The following IL22RA2 variants were observed in gnomAD, a reference collection of about 807,000 sequenced individuals.
IL22RA2 encodes the protein interleukin-22 receptor subunit alpha-2.
IL22RA2 carries 39 observed loss-of-function variants against 30.7 expected under a neutral mutation model. The observed-to-expected ratio is 1.27, with a 90% CI of 0.98 to 1.66. The LOEUF is 1.66. Ranked by LOEUF, IL22RA2 falls within the 40% of genes most tolerant of loss-of-function variation. The probability of loss-of-function intolerance (pLI) is 0.00; values close to 1 mark genes in which losing one functional copy is unlikely to be tolerated. For synonymous variants in IL22RA2, 103 were observed against 105.0 expected, an observed-to-expected ratio of 0.98 and a Z score of 0.11; for missense variants, 315 against 312.7, an observed-to-expected ratio of 1.01 and a Z score of -0.05.
At chr6:137,166,393 A>G (rs1009483011) in intron 1 of IL22RA2, among the ~76,000 whole-genome samples, 1 of 152,206 alleles carries the variant, frequency 6.6e-6, no homozygotes, top group African/African-American at 2.4e-5. Context: ...GAAGGAAAGG[A>G]AATCAAAAAT....
At position 137,145,367 on chromosome 6, in the gene IL22RA2, T is replaced by C. The variant is rs186535313; in HGVS notation, c.*257A>G. 5.9e-4 allele frequency: 182 copies of C among 310,680 alleles called. No homozygotes were observed. Among genetic ancestry groups the C allele is most frequent in the African/African-American group, 3.6e-3 (167 of 45,880 alleles). The allele number at this position is 310,680 out of a possible 1,614,324, so 19.2% of individuals were successfully genotyped here. On this transcript the variant is annotated 3_prime_UTR_variant, in exon 7 of 7. Coordinates refer to ENST00000296980, the MANE Select transcript of IL22RA2 (RefSeq NM_052962.3). ...GATGTTACATTCAGAAATAAAGTTCTGAATTTCATAGAACACTTTATTCTC... is the reference window on the plus strand; with the variant it reads ...GATGTTACATTCAGAAATAAAGTTCCGAATTTCATAGAACACTTTATTCTC...
chr6:137,149,220 T>C (rs1340940125), intron 5 of IL22RA2, among the ~76,000 whole-genome samples: 1 of 152,212 alleles, frequency 6.6e-6, no homozygotes, highest in African/African-American at 2.4e-5. Flanking sequence ...TAGGCAATCC[T>C]ATCAATGTCC....
intron 1 of IL22RA2, among the ~76,000 whole-genome samples, chr6:137,172,213 G>A (rs1778750639): frequency 6.6e-6 from 1 of 152,176 alleles, no homozygotes; most frequent in Non-Finnish European, 1.5e-5. Context: ...TAAATTCGAG[G>A]TTTTATGATG....
At chr6:137,166,734 C>T (rs1330066003) in intron 1 of IL22RA2, among the ~76,000 whole-genome samples, 2 of 152,164 alleles carry the variant, frequency 1.3e-5, no homozygotes, top group African/African-American at 4.8e-5. Context: ...AAGCAATAGC[C>T]CCTGGTTCAT....
chr6:137,158,404 C>CTTGTTGTGAAA lies in IL22RA2; in HGVS notation c.139_140insTTTCACAACAA (p.Trp47PhefsTer30). On this transcript the variant is annotated frameshift_variant, in exon 3 of 7. Transcript: ENST00000296980. LOFTEE classifies it high-confidence loss of function. ...GCCAGTAAGTGCCCTCCCAGGCTGC[C>CTTGTTGTGAAA]ATTGCAAAATGTTGTGAAAATTTCG... 6.2e-7 allele frequency: 1 copy of CTTGTTGTGAAA among 1,614,168 alleles called. No homozygotes were observed. The highest frequency in any genetic ancestry group is 8.5e-7 in the Non-Finnish European group (1 of 1,180,020).
intron 1 of IL22RA2, among the ~76,000 whole-genome samples, chr6:137,164,906 T>G (rs531606240): frequency 1.6e-3 from 239 of 152,334 alleles, no homozygotes; most frequent in Non-Finnish European, 3.0e-3. Context: ...CTCAGGCTCT[T>G]ATAGATCTAA....
At position 137,156,751 on chromosome 6, in the gene IL22RA2, A is replaced by T; in HGVS notation, c.293+8T>A. The T allele has an allele frequency of 1.2e-6, 2 of 1,612,728 alleles. No individual in the cohort carries two copies. The highest frequency in any genetic ancestry group is 1.7e-6 in the Non-Finnish European group (2 of 1,178,792). ...AGGCTAGGTAATTGATAAGGAAAAG[A>T]GGTGTACTTAGCCAATGTTCTGCAG... is the stretch of plus-strand genomic sequence containing the variant. On this transcript the variant is annotated splice_region_variant and intron_variant, in intron 4 of 6. Coordinates refer to ENST00000296980, the MANE Select transcript of IL22RA2 (RefSeq NM_052962.3).
At position 137,145,620 on chromosome 6, in the gene IL22RA2, C is replaced by G; in HGVS notation, c.*4G>C. 6.3e-7 allele frequency: 1 copy of G among 1,598,880 alleles called. No homozygotes were observed. The highest frequency in any genetic ancestry group is 8.5e-7 in the Non-Finnish European group (1 of 1,171,656). The stretch of plus-strand genomic sequence containing the variant: ...CCACATTGCTGAATGCCAAATTCCA[C>G]AAGTCATGGAATTTCCACACATCTC... On this transcript the variant is annotated 3_prime_UTR_variant, in exon 7 of 7. Transcript: ENST00000296980.
rs374224961 is a variant in IL22RA2 at position 137,158,377 on chromosome 6, T to A, written c.167A>T (p.Asn56Ile). ...GTACTGCACAAAATAGACACTGCTG[T>A]TGCCAGTAAGTGCCCTCCCAGGCTG... is the stretch of plus-strand genomic sequence containing the variant. ...QWQPGRALTG[N>I]SSVYFVQYKI... The change falls in exon 3 of 7, where the codon AAC (asparagine) becomes ATC (isoleucine). Residue 56 changes from asparagine to isoleucine, a missense_variant. Physicochemically the swap from Asn to Ile is moderately radical, Grantham distance 149. Coordinates refer to ENST00000296980, the MANE Select transcript of IL22RA2 (RefSeq NM_052962.3). 14 of 1,614,210 alleles carry A rather than the reference T, an allele frequency of 8.7e-6. No homozygotes were observed. The highest frequency in any genetic ancestry group is 2.2e-5 in the South Asian group (2 of 91,088).
At chr6:137,151,363 A>G (rs891332993) in intron 5 of IL22RA2, among the ~76,000 whole-genome samples, 1 of 152,234 alleles carries the variant, frequency 6.6e-6, no homozygotes, top group African/African-American at 2.4e-5. Context: ...GTCATATGTC[A>G]AAGAATAATA....
intron 3 of IL22RA2, 114 bp downstream of exon 3, chr6:137,158,233 C>T (rs1258145826): frequency 3.9e-6 from 5 of 1,296,644 alleles, no homozygotes; most frequent in Non-Finnish European, 5.4e-6. Flanking sequence ...ACCTTGGCTT[C>T]TTCTCAACCC....
chr6:137,158,771 T>C (rs1383363072), intron 2 of IL22RA2, among the ~76,000 whole-genome samples: 3 of 152,114 alleles, frequency 2.0e-5, no homozygotes, highest in Non-Finnish European at 4.4e-5. Context: ...AAAATATTGC[T>C]CTTATTTTGT....
At position 137,161,777 on chromosome 6, in the gene IL22RA2, C is replaced by G. The variant is rs1371278738; in HGVS notation, c.-28G>C. The G allele has an allele frequency of 8.1e-6, 13 of 1,599,176 alleles. No individual in the cohort carries two copies. In the East Asian group the frequency reaches 2.0e-4, roughly 25 times the overall value. On this transcript the variant is annotated 5_prime_UTR_variant, in exon 2 of 7. Coordinates refer to ENST00000296980, the MANE Select transcript of IL22RA2 (RefSeq NM_052962.3). ...TTGCAAGTGTGACTGTTCAGGCAACCAGTGTTCCTTTTAACCAGCTCAGGA... is the reference window on the plus strand; with the variant it reads ...TTGCAAGTGTGACTGTTCAGGCAACGAGTGTTCCTTTTAACCAGCTCAGGA...
chr6:137,148,076 A>G (rs1778216191), intron 5 of IL22RA2, among the ~76,000 whole-genome samples, 185 bp from the exon 6 acceptor site: 1 of 152,232 alleles, frequency 6.6e-6, no homozygotes, highest in Non-Finnish European at 1.5e-5. Flanking sequence ...CCATGTCAAA[A>G]AACAAAAATA....
At position 137,161,803 on chromosome 6, in the gene IL22RA2, CCAAAGAGGAAA is replaced by C; in HGVS notation, c.-65_-55del. 1 of 1,436,370 alleles carries C rather than the reference CCAAAGAGGAAA, an allele frequency of 7.0e-7. No individual in the cohort carries two copies. Among genetic ancestry groups the C allele is most frequent in the East Asian group, 2.3e-5 (1 of 42,828 alleles). The allele number at this position is 1,436,370 out of a possible 1,614,324, so 89.0% of individuals were successfully genotyped here. The stretch of plus-strand genomic sequence containing the variant: ...AGTGTTCCTTTTAACCAGCTCAGGA[CCAAAGAGGAAA>C]CTGTAAAATCCACAAACAGACAATC... On this transcript the variant is annotated splice_region_variant and 5_prime_UTR_variant, in exon 2 of 7. It removes the in-frame stop codon of an upstream open reading frame in the 5' UTR. Coordinates refer to ENST00000296980, the MANE Select transcript of IL22RA2 (RefSeq NM_052962.3).
chr6:137,169,438 G>A (rs184320090), intron 1 of IL22RA2, among the ~76,000 whole-genome samples: 140 of 152,292 alleles, frequency 9.2e-4, no homozygotes, highest in Non-Finnish European at 1.7e-3. Context: ...ATGTATATTA[G>A]GAACAATAAG....
At chr6:137,168,847 A>G (rs1438565895) in intron 1 of IL22RA2, among the ~76,000 whole-genome samples, 1 of 152,258 alleles carries the variant, frequency 6.6e-6, no homozygotes, top group East Asian at 1.9e-4. Flanking sequence ...ACTCAAGTTC[A>G]ACTTAGCCCA....
intron 3 of IL22RA2, 85 bp downstream of exon 3, chr6:137,158,262 G>T (rs12206893): frequency 6.6e-6 from 10 of 1,515,494 alleles, no homozygotes; most frequent in African/African-American, 5.5e-5. Context: ...CTGAAAAAAA[G>T]CTCGGATCCT....
At chr6:137,167,615 T>C (rs981908549) in intron 1 of IL22RA2, among the ~76,000 whole-genome samples, 1 of 152,168 alleles carries the variant, frequency 6.6e-6, no homozygotes, top group African/African-American at 2.4e-5. Context: ...ATAGTCCCCA[T>C]ATTGTGATCT....
Sources: allele counts gnomAD v4.1 joint callset (sites outside exome capture counted in the v4.1 genomes callset), GRCh38; gene constraint gnomAD v4.1.1; transcripts MANE v1.5; gene names NCBI Gene and HGNC (gene_info 2026-07-23, HGNC 2026-07-21).